The following PARG variants were observed in gnomAD, a reference collection of about 807,000 sequenced individuals.
PARG encodes the protein poly(ADP-ribose) glycohydrolase.
PARG carries 35 observed loss-of-function variants against 113.0 expected under a neutral mutation model. The ratio of observed to expected loss-of-function variants is 0.31; its 90% CI spans 0.24 to 0.41. The LOEUF (loss-of-function observed/expected upper bound fraction) is 0.41. Ranked by LOEUF, PARG falls within the 10% of genes least tolerant of loss-of-function variation. The pLI is 1.00. For synonymous variants in PARG, 330 were observed against 409.9 expected (o/e 0.81, Z 2.36); for missense variants, 797 against 1,169.4 (o/e 0.68, Z 4.64).
intron 7 of PARG, among the ~76,000 whole-genome samples, chr10:49,895,891 T>G (rs1848061792): frequency 6.6e-6 from 1 of 152,224 alleles, no homozygotes; most frequent in Non-Finnish European, 1.5e-5. Context: ...TTAATGAAAT[T>G]TTTAAAATTT....
intron 13 of PARG, among the ~76,000 whole-genome samples, chr10:49,853,034 A>AT (rs4012511): frequency 0.016 from 2,165 of 133,792 alleles, 18 homozygotes; most frequent in African/African-American, 0.028. Context: ...TAAAAAAAAA[A>AT]TTTTTTTTTT....
At chr10:49,903,085 G>A (rs1272979995) in intron 7 of PARG, among the ~76,000 whole-genome samples, 3 of 151,578 alleles carry the variant, frequency 2.0e-5, no homozygotes, top group Non-Finnish European at 4.4e-5. Flanking sequence ...TCAGCCTCCC[G>A]AAGTGCTGGG....
chr10:49,892,396 C>G (rs1554841777), intron 7 of PARG, among the ~76,000 whole-genome samples: 1 of 152,120 alleles, frequency 6.6e-6, no homozygotes, highest in Admixed American at 6.5e-5. Context: ...TGCATATAAA[C>G]ACACAGTTTT....
At chr10:49,868,665 T>TTA (rs1377998079) in intron 10 of PARG, among the ~76,000 whole-genome samples, 1 of 152,210 alleles carries the variant, frequency 6.6e-6, no homozygotes, top group Non-Finnish European at 1.5e-5. Context: ...CAGGTTGACC[T>TTA]TACCTACTTA....
At chr10:49,916,810 T>C (rs1241239839) in intron 6 of PARG, among the ~76,000 whole-genome samples, 5 of 152,236 alleles carry the variant, frequency 3.3e-5, no homozygotes, top group African/African-American at 7.2e-5. Flanking sequence ...GTAATAGATA[T>C]GTAGAATTTA....
At position 49,920,463 on chromosome 10, in the gene PARG, AATATATATATAT is replaced by A. The variant is rs202215714; in HGVS notation, c.1662+1861_1662+1872del. Among the ~76,000 whole-genome samples, 7 of 47,990 alleles carry A rather than the reference AATATATATATAT, an allele frequency of 1.5e-4. No homozygotes were observed. In the South Asian group the frequency reaches 2.2e-3, roughly 15 times the overall value. 31.5% of individuals were successfully genotyped at this position (47,990 alleles called of 152,430 possible). Reference sequence around the variant, plus strand: ...CCCAGCCTCAAATTAAAAAAAAAAAAATATATATATATATATATATATATATATATATATACA... The same window carrying A: ...CCCAGCCTCAAATTAAAAAAAAAAAAATATATATATATATATATATATACA... On this transcript the variant is annotated intron_variant, in intron 6 of 17. Transcript: ENST00000616448.
Position 49,895,621 on chromosome 10 carries a change from G to T in PARG, c.1738-10326C>A, listed in dbSNP as rs180853240. On this transcript the variant is annotated intron_variant, in intron 7 of 17. Coordinates refer to ENST00000616448, the MANE Select transcript of PARG (RefSeq NM_003631.5). ...GGGTTTCACCATGTTAGCCAGGCTG[G>T]TCTTGAACTCCTGTCCTCAAGTGAT... Among the ~76,000 whole-genome samples the T allele has an allele frequency of 8.4e-4, 127 of 152,046 alleles. No individual in the cohort carries two copies. In the East Asian group the frequency reaches 0.02, roughly 24 times the overall value.
chr10:49,915,910 C>CTTT lies in PARG; in HGVS notation c.1737+4_1737+6dup. On this transcript the variant is annotated splice_region_variant and intron_variant, in intron 7 of 17. Coordinates refer to ENST00000616448, the MANE Select transcript of PARG (RefSeq NM_003631.5). ...ATATTTTCATAAAGAAATAAGGATA[C>CTTT]TTTTACCTTATCCCAGAAATCGATC... The CTTT allele has an allele frequency of 7.0e-7, 1 of 1,429,196 alleles. No homozygotes were observed. Among genetic ancestry groups the CTTT allele is most frequent in the Non-Finnish European group, 9.7e-7 (1 of 1,035,446 alleles). 88.5% of individuals were successfully genotyped at this position (1,429,196 alleles called of 1,614,324 possible). A position where few individuals can be genotyped will look rare whatever the true frequency, so the allele number is the denominator to read the frequency against.
intron 8 of PARG, among the ~76,000 whole-genome samples, chr10:49,880,387 C>G (rs1273539459): frequency 4.6e-5 from 7 of 151,702 alleles, no homozygotes; most frequent in Non-Finnish European, 1.0e-4. Flanking sequence ...AACCACCATA[C>G]GGACATGCAT....
intron 7 of PARG, among the ~76,000 whole-genome samples, chr10:49,888,453 T>A (rs1288252885): frequency 6.6e-6 from 1 of 152,192 alleles, no homozygotes. Context: ...CCTGAGAACA[T>A]TGTGGTTTCC....
At chr10:49,856,906 G>A (rs1159557957) in intron 13 of PARG, among the ~76,000 whole-genome samples, 4 of 151,254 alleles carry the variant, frequency 2.6e-5, no homozygotes, top group Non-Finnish European at 5.9e-5. Context: ...CTACTCGGGA[G>A]GCTGAGGCAG....
intron 10 of PARG, among the ~76,000 whole-genome samples, chr10:49,866,121 G>C (rs1846502274): frequency 6.6e-6 from 1 of 151,528 alleles, no homozygotes; most frequent in South Asian, 2.1e-4. Flanking sequence ...TCCTTTTCTA[G>C]TCAGATTTAT....
chr10:49,902,077 G>A (rs1848370815), intron 7 of PARG, among the ~76,000 whole-genome samples: 1 of 152,122 alleles, frequency 6.6e-6, no homozygotes, highest in African/African-American at 2.4e-5. Context: ...GCCAGTGTTT[G>A]GACTCCACAG....
At chr10:49,843,328 G>A (rs1385959325) in intron 14 of PARG, among the ~76,000 whole-genome samples, 3 of 152,170 alleles carry the variant, frequency 2.0e-5, no homozygotes, top group Non-Finnish European at 4.4e-5. Flanking sequence ...GCCCCTCTTT[G>A]TCTTTGCTTT....
chr10:49,893,879 T>C (rs1554842134), intron 7 of PARG, among the ~76,000 whole-genome samples: 1 of 151,974 alleles, frequency 6.6e-6, no homozygotes, highest in African/African-American at 2.4e-5. Flanking sequence ...TTTGTATTTT[T>C]AGTAAAGACG....
At chr10:49,894,921 T>C (rs1287382553) in intron 7 of PARG, among the ~76,000 whole-genome samples, 1 of 152,194 alleles carries the variant, frequency 6.6e-6, no homozygotes, top group Non-Finnish European at 1.5e-5. Flanking sequence ...GGTCTCTTCC[T>C]AGCTTCTGGT....
intron 15 of PARG, among the ~76,000 whole-genome samples, chr10:49,839,500 T>A (rs1845120543): frequency 6.6e-6 from 1 of 152,198 alleles, no homozygotes; most frequent in South Asian, 2.1e-4. Flanking sequence ...ACGCCCCTCA[T>A]TAAGACTCTA....
At chr10:49,847,170 G>T (rs1845551880) in intron 13 of PARG, among the ~76,000 whole-genome samples, 1 of 152,024 alleles carries the variant, frequency 6.6e-6, no homozygotes, top group Non-Finnish European at 1.5e-5. Context: ...CCTTATAGTA[G>T]AATGCCAACT....
At position 49,839,656 on chromosome 10, in the gene PARG, G is replaced by A. The variant is rs907458396; in HGVS notation, c.2541+2294C>T. 2.0e-5 allele frequency among the ~76,000 whole-genome samples: 3 copies of A among 152,192 alleles called. No homozygotes were observed. The South Asian group carries it at 6.2e-4, about 32-fold the overall frequency. On this transcript the variant is annotated intron_variant, in intron 15 of 17. Coordinates refer to ENST00000616448, the MANE Select transcript of PARG (RefSeq NM_003631.5). ...CAAGTAAGTGCAGAGAGAATCAACT[G>A]GACCTGGCAATTTTAAAAAAGACTT... is the stretch of plus-strand genomic sequence containing the variant.
Sources: allele counts gnomAD v4.1 joint callset (sites outside exome capture counted in the v4.1 genomes callset), GRCh38; gene constraint gnomAD v4.1.1; transcripts MANE v1.5; gene names NCBI Gene and HGNC (gene_info 2026-07-23, HGNC 2026-07-21).